CNNM4: variants seen among roughly 807,000 people sequenced by gnomAD.
CNNM4 encodes the protein metal transporter CNNM4.
In CNNM4, 32 loss-of-function variants were observed where a neutral mutation model predicts 53.7. That is an observed-to-expected ratio of 0.60 (90% CI 0.45 to 0.80). The LOEUF (loss-of-function observed/expected upper bound fraction) is 0.80, where lower values mean the gene tolerates loss of function less well. Ranked by LOEUF, CNNM4 falls within the 30% of genes least tolerant of loss-of-function variation. The pLI is 0.00. For missense variants in CNNM4, 784 were observed against 1,022.0 expected (o/e 0.77, Z 3.17); for synonymous variants, 410 against 440.0 (o/e 0.93, Z 0.85).
rs767167288 is a variant in CNNM4 at position 96,799,217 on chromosome 2, C to A, written c.1842C>A (p.Leu614=). ...ATAAGCCGGCCGACTACTTCATCCT[C>A]ATCCTGCAGGTGAGCCCGCTCAGCC... ...TRNKPADYFI[L]ILQGKVEVEA... Residue 614 remains leucine, a synonymous_variant, in exon 4 of 7, where the codon CTC becomes CTA. Transcript: ENST00000377075. The A allele has an allele frequency of 1.1e-5, 18 of 1,614,104 alleles. No individual in the cohort carries two copies. The highest frequency in any genetic ancestry group is 1.4e-5 in the Non-Finnish European group (16 of 1,180,042).
At chr2:96,799,024 C>A (rs767799991) in intron 3 of CNNM4, 33 bp from the exon 4 acceptor site, 1 of 1,611,376 alleles carries the variant, frequency 6.2e-7, no homozygotes, top group Non-Finnish European at 8.5e-7. Context: ...CCTGGCCAGC[C>A]CCGTGTGAGG....
intron 1 of CNNM4, among the ~76,000 whole-genome samples, chr2:96,779,486 G>A (rs997394644): frequency 4.8e-5 from 7 of 145,006 alleles, no homozygotes; most frequent in East Asian, 2.0e-4. Flanking sequence ...TCCAGCCTGG[G>A]TGACAGAGCA....
At chr2:96,779,508 CAAAA>C (rs1178143077) in intron 1 of CNNM4, among the ~76,000 whole-genome samples, 1 of 62,056 alleles carries the variant, frequency 1.6e-5, no homozygotes, top group Non-Finnish European at 3.4e-5. Flanking sequence ...GACCTCGTCT[CAAAA>C]AAAAAAAAAA....
At chr2:96,772,415 G>A (rs2078882929) in intron 1 of CNNM4, among the ~76,000 whole-genome samples, 2 of 139,634 alleles carry the variant, frequency 1.4e-5, no homozygotes, top group Admixed American at 7.2e-5. Context: ...GGCACAGGCA[G>A]GCGCTCACAC....
Position 96,797,239 on chromosome 2 carries a change from C to T in CNNM4, c.1546+84C>T. 1.3e-6 allele frequency: 2 copies of T among 1,570,524 alleles called. No individual in the cohort carries two copies. The highest frequency in any genetic ancestry group is 8.7e-7 in the Non-Finnish European group (1 of 1,146,920). On this transcript the variant is annotated intron_variant, in intron 2 of 6. Coordinates refer to ENST00000377075, the MANE Select transcript of CNNM4 (RefSeq NM_020184.4). The surrounding 1 kb of genome is among the most constrained non-coding windows in gnomAD (Gnocchi z 6.0). ...GTCCCTAGCTGGAAGGGCCATAGTGCAGGGACACAGGAGGCCTAGCATCCA... is the reference window on the plus strand; with the variant it reads ...GTCCCTAGCTGGAAGGGCCATAGTGTAGGGACACAGGAGGCCTAGCATCCA...
intron 1 of CNNM4, among the ~76,000 whole-genome samples, chr2:96,766,428 T>A (rs2078819725): frequency 6.6e-6 from 1 of 152,296 alleles, no homozygotes; most frequent in South Asian, 2.1e-4. Context: ...GCCTTTGCCC[T>A]GGTTGTTTCC....
intron 5 of CNNM4, among the ~76,000 whole-genome samples, chr2:96,804,845 A>G (rs1325782290): frequency 1.3e-5 from 2 of 151,684 alleles, no homozygotes; most frequent in African/African-American, 2.4e-5. Flanking sequence ...CCATGTCACT[A>G]ATTTGTGTTG....
intron 1 of CNNM4, among the ~76,000 whole-genome samples, chr2:96,768,413 A>G (rs573821783): frequency 3.5e-4 from 53 of 152,304 alleles, no homozygotes; most frequent in South Asian, 2.7e-3. Context: ...GGAGAGAGAC[A>G]CGTGAACAAC....
chr2:96,788,451 AC>A (rs1276882005), intron 1 of CNNM4: 1 of 151,866 alleles, frequency 6.6e-6, no homozygotes, highest in Non-Finnish European at 1.5e-5. Flanking sequence ...TTATGGATGA[AC>A]CCAGCTGCCC....
At chr2:96,793,278 G>A (rs565535958) in intron 1 of CNNM4, among the ~76,000 whole-genome samples, 3 of 152,290 alleles carry the variant, frequency 2.0e-5, no homozygotes, top group Non-Finnish European at 2.9e-5. Flanking sequence ...CTGGCCCGGG[G>A]AGGGGAAAAT....
intron 5 of CNNM4, among the ~76,000 whole-genome samples, chr2:96,805,430 T>A (rs1041363945): frequency 5.5e-4 from 77 of 140,658 alleles, no homozygotes; most frequent in Non-Finnish European, 9.9e-4. Flanking sequence ...TTTTTTTTTT[T>A]TTTTTTTTTA....
chr2:96,790,003 ATTT>A (rs1014369887), intron 1 of CNNM4, among the ~76,000 whole-genome samples: 2 of 61,722 alleles, frequency 3.2e-5, no homozygotes. Context: ...CCGGGCTAGA[ATTT>A]TTTTTTTTTT....
intron 1 of CNNM4, among the ~76,000 whole-genome samples, chr2:96,791,551 T>G (rs1200736201): frequency 6.7e-6 from 1 of 150,294 alleles, no homozygotes. Context: ...AAGAATCCAC[T>G]GCACTTGAGC....
At position 96,809,660 on chromosome 2, in the gene CNNM4, G is replaced by GA; in HGVS notation, c.*144dup. The GA allele has an allele frequency of 1.3e-6, 1 of 740,762 alleles. No individual in the cohort carries two copies. The allele number at this position is 740,762 out of a possible 1,614,324, so 45.9% of individuals were successfully genotyped here. On this transcript the variant is annotated 3_prime_UTR_variant, in exon 7 of 7. Coordinates refer to ENST00000377075, the MANE Select transcript of CNNM4 (RefSeq NM_020184.4). ...GCCAGATGGCCCCCAGCCTATGGGG[G>GA]ATCTGGCCTCTGCCAGGGACCTCTG... is the stretch of plus-strand genomic sequence containing the variant.
At position 96,809,565 on chromosome 2, in the gene CNNM4, G is replaced by A. The variant is rs1404718921; in HGVS notation, c.*48G>A. On this transcript the variant is annotated 3_prime_UTR_variant, in exon 7 of 7. Transcript: ENST00000377075. ...CCCACCCTGCGGGGGCCTCCCCAGT[G>A]GGCCCACATGAAGAGAGGGAACCTG... The A allele has an allele frequency of 6.5e-7, 1 of 1,530,364 alleles. No individual in the cohort carries two copies. 94.8% of individuals were successfully genotyped at this position (1,530,364 alleles called of 1,614,324 possible).
At chr2:96,771,411 A>T (rs2078868364) in intron 1 of CNNM4, among the ~76,000 whole-genome samples, 1 of 152,070 alleles carries the variant, frequency 6.6e-6, no homozygotes, top group African/African-American at 2.4e-5. Context: ...AAAACCTTAT[A>T]ACAAACAGCA....
intron 1 of CNNM4, among the ~76,000 whole-genome samples, chr2:96,796,355 G>A (rs926873245): frequency 4.6e-5 from 7 of 151,946 alleles, no homozygotes; most frequent in African/African-American, 1.2e-4. Context: ...GTGTTGGCCA[G>A]GCTGGTCTCA....
chr2:96,792,337 G>A (rs1199284713), intron 1 of CNNM4, among the ~76,000 whole-genome samples: 1 of 151,694 alleles, frequency 6.6e-6, no homozygotes, highest in Non-Finnish European at 1.5e-5. Context: ...AAATTGATCT[G>A]CTTATTTTAG....
intron 1 of CNNM4, among the ~76,000 whole-genome samples, chr2:96,769,022 CG>C (rs2078843556): frequency 6.6e-6 from 1 of 152,150 alleles, no homozygotes. Context: ...GAGGCCGAGG[CG>C]GGCGGATCAT....
Sources: gnomAD v4.1 joint callset for allele counts (sites outside exome capture counted in the v4.1 genomes callset) on GRCh38, gnomAD v4.1.1 for gene constraint, Gnocchi (gnomAD v3.1) non-coding constraint, MANE v1.5 for transcripts, NCBI Gene and HGNC (gene_info 2026-07-23, HGNC 2026-07-21) for gene names.